The following ATAD5 variants were observed in gnomAD, a reference collection of about 807,000 sequenced individuals.
ATAD5 encodes ATPase family AAA domain-containing protein 5.
In ATAD5, 58 loss-of-function variants were observed where a neutral mutation model predicts 176.9. The observed-to-expected ratio is 0.33, with a 90% confidence interval of 0.27 to 0.41. ATAD5 has a LOEUF of 0.41. ATAD5 is among the 10% of genes least tolerant of loss of function. The pLI, the probability that ATAD5 is intolerant of heterozygous loss-of-function variation, is 1.00. For synonymous variants in ATAD5, 640 were observed against 712.6 expected (o/e 0.90, Z 1.62); for missense variants, 1,789 against 2,094.1 (o/e 0.85, Z 2.84).
chr17:30,875,989 T>C (rs1908643092), intron 14 of ATAD5, among the ~76,000 whole-genome samples: 1 of 151,398 alleles, frequency 6.6e-6, no homozygotes, highest in South Asian at 2.1e-4. Context: ...TACAAAAAAT[T>C]AGCTGGGCGT....
intron 18 of ATAD5, among the ~76,000 whole-genome samples, 198 bp from the exon 19 acceptor site, chr17:30,886,994 A>G (rs1234925687): frequency 6.6e-6 from 1 of 152,230 alleles, no homozygotes; most frequent in Non-Finnish European, 1.5e-5. Context: ...TACAGTTAAT[A>G]AAAGAAATAC....
intron 3 of ATAD5, among the ~76,000 whole-genome samples, chr17:30,839,426 G>A (rs976326418): frequency 6.6e-6 from 1 of 151,358 alleles, no homozygotes; most frequent in African/African-American, 2.4e-5. Context: ...ACAGGCACCC[G>A]CCTCCATGCC....
At chr17:30,868,308 T>A in intron 11 of ATAD5, 25 bp from the exon 12 acceptor site, 1 of 1,538,250 alleles carries the variant, frequency 6.5e-7, no homozygotes, top group Non-Finnish European at 8.7e-7. Context: ...CTGTGAATTA[T>A]TTTTATTATG....
At chr17:30,865,375 T>A (rs1223280096) in intron 10 of ATAD5, among the ~76,000 whole-genome samples, 1 of 152,088 alleles carries the variant, frequency 6.6e-6, no homozygotes, top group Non-Finnish European at 1.5e-5. Context: ...GGTTTCACCG[T>A]GTTAGCCAGG....
Position 30,850,339 on chromosome 17 carries a change from ACT to A in ATAD5, c.2451-4799_2451-4798del, listed in dbSNP as rs138571666. 4.5e-4 allele frequency among the ~76,000 whole-genome samples: 62 copies of A among 139,220 alleles called. No homozygotes were observed. The East Asian group carries it at 0.011, about 24-fold the overall frequency. 91.3% of individuals were successfully genotyped at this position (139,220 alleles called of 152,430 possible). A position where few individuals can be genotyped will look rare whatever the true frequency, so the allele number is the denominator to read the frequency against. ...TCCCACCTCTATTAACCACTATTCT[ACT>A]CTCTACTTCTATGAGACTTCTTTTT... On this transcript the variant is annotated intron_variant, in intron 6 of 22. Transcript: ENST00000321990.
At chr17:30,841,980 A>T (rs1906147616) in intron 4 of ATAD5, among the ~76,000 whole-genome samples, 1 of 152,174 alleles carries the variant, frequency 6.6e-6, no homozygotes, top group African/African-American at 2.4e-5. Flanking sequence ...TTAAAAAAAT[A>T]AAATAATGGG....
chr17:30,857,311 C>T (rs1186313068), intron 8 of ATAD5, among the ~76,000 whole-genome samples, 199 bp downstream of exon 8: 1 of 151,882 alleles, frequency 6.6e-6, no homozygotes, highest in African/African-American at 2.4e-5. Flanking sequence ...CTCTGCTTCC[C>T]GAGTTCAAGC....
chr17:30,853,657 G>A (rs1005698472), intron 6 of ATAD5, among the ~76,000 whole-genome samples: 2 of 152,192 alleles, frequency 1.3e-5, no homozygotes, highest in East Asian at 1.9e-4. Context: ...TGTGAGTCTT[G>A]TTCTTTCTAC....
rs749087991 is a variant in ATAD5, at chr17:30,857,046, T to G, written c.2727T>G (p.Cys909Trp). The G allele has an allele frequency of 6.2e-7, 1 of 1,611,106 alleles. No individual in the cohort carries two copies. The highest frequency in any genetic ancestry group is 2.2e-5 in the East Asian group (1 of 44,798). Residue 909 changes from cysteine (C) to tryptophan (W), a missense_variant, in exon 8 of 23, where the codon TGT becomes TGG. Around this residue, in one of 6 missense-constraint regions of ATAD5, gnomAD observed 487 missense variants for 573.6 expected, o/e 0.85. Coordinates refer to ENST00000321990, the MANE Select transcript of ATAD5 (RefSeq NM_024857.5). ...LNTKVIDLSK[C>W]GIALGEFSTL... ...CTAAAGTAATAGATCTCTCAAAATG[T>G]GGTATTGCTCTTGGTGAATTTTCAA...
chr17:30,846,449 C>G (rs555552058), intron 6 of ATAD5, among the ~76,000 whole-genome samples: 1 of 147,248 alleles, frequency 6.8e-6, no homozygotes. Context: ...TGTCACTAGG[C>G]TGGAGTGCAG....
chr17:30,865,094 G>T (rs1597978183), intron 10 of ATAD5, among the ~76,000 whole-genome samples: 1 of 148,274 alleles, frequency 6.7e-6, no homozygotes. Context: ...TTTCCTTTGG[G>T]TATATACCCA....
intron 9 of ATAD5, among the ~76,000 whole-genome samples, chr17:30,858,774 G>A (rs538825843): frequency 9.9e-5 from 15 of 152,016 alleles, no homozygotes; most frequent in South Asian, 2.1e-4. Flanking sequence ...TTCGCCTCCC[G>A]GGCTCAAGTG....
intron 4 of ATAD5, 21 bp downstream of exon 4, chr17:30,840,802 T>C (rs1270793134): frequency 6.3e-7 from 1 of 1,578,842 alleles, no homozygotes; most frequent in Middle Eastern, 1.7e-4. Flanking sequence ...TAAATATCTG[T>C]TGGTATAAAT....
At chr17:30,851,356 C>A (rs1209833963) in intron 6 of ATAD5, among the ~76,000 whole-genome samples, 4 of 150,800 alleles carry the variant, frequency 2.7e-5, no homozygotes, top group African/African-American at 9.7e-5. Flanking sequence ...ATTAGCCAGG[C>A]GTGGTGGCGG....
intron 4 of ATAD5, among the ~76,000 whole-genome samples, chr17:30,843,701 C>G (rs1258617845): frequency 1.3e-5 from 2 of 151,168 alleles, no homozygotes; most frequent in Non-Finnish European, 3.0e-5. Flanking sequence ...TCATAATAAA[C>G]GTACCCTGAT....
At chr17:30,865,598 C>T in intron 10 of ATAD5, 106 bp from the exon 11 acceptor site, 2 of 592,188 alleles carry the variant, frequency 3.4e-6, no homozygotes, top group Non-Finnish European at 5.4e-6. Context: ...ATAAATATTT[C>T]TGCAAATACC....
chr17:30,879,512 C>A, intron 18 of ATAD5, 25 bp downstream of exon 18: 2 of 1,552,298 alleles, frequency 1.3e-6, no homozygotes, highest in Non-Finnish European at 1.7e-6. Context: ...TTGATAGCCA[C>A]AAATTACATA....
chr17:30,856,161 G>A (rs1232892552), intron 7 of ATAD5, among the ~76,000 whole-genome samples: 1 of 152,202 alleles, frequency 6.6e-6, no homozygotes, highest in East Asian at 1.9e-4. Context: ...CAAGCACAGA[G>A]GGAACCTCTC....
chr17:30,889,890 T>C (rs199890163), intron 19 of ATAD5, among the ~76,000 whole-genome samples: 211 of 140,914 alleles, frequency 1.5e-3, no homozygotes, highest in Admixed American at 2.3e-3. Flanking sequence ...TTCTTTCTTT[T>C]TTTTTTTTTT....
Sources: allele counts gnomAD v4.1 joint callset (sites outside exome capture counted in the v4.1 genomes callset), GRCh38; gene constraint gnomAD v4.1.1; regional missense constraint gnomAD v4.1.1; transcripts MANE v1.5; gene names NCBI Gene and HGNC (gene_info 2026-07-23, HGNC 2026-07-21).